THSD7B: variants seen among roughly 807,000 people sequenced by gnomAD.
THSD7B encodes thrombospondin type 1 domain containing 7B, also known as thrombospondin type-1 domain-containing protein 7B.
Under a neutral mutation model 213.6 loss-of-function variants are expected in THSD7B, and 138 were observed. That is an observed-to-expected ratio of 0.65 (90% confidence interval 0.56 to 0.74). The LOEUF (loss-of-function observed/expected upper bound fraction) is 0.74. Ranked by LOEUF, THSD7B falls within the 30% of genes least tolerant of loss-of-function variation. The probability of loss-of-function intolerance (pLI) is 0.00; values close to 1 mark genes in which losing one functional copy is unlikely to be tolerated. For synonymous variants in THSD7B, 742 were observed against 687.0 expected (o/e 1.08, Z -1.25); for missense variants, 1,931 against 1,991.5 (o/e 0.97, Z 0.58).
At chr2:137,487,150 T>G (rs1425299695) in intron 15 of THSD7B, among the ~76,000 whole-genome samples, 2 of 148,958 alleles carry the variant, frequency 1.3e-5, no homozygotes, top group Non-Finnish European at 3.0e-5. Context: ...GGGTGGATCA[T>G]GAGGTCAGGA....
chr2:137,187,517 C>T (rs1050184001), intron 7 of THSD7B, among the ~76,000 whole-genome samples: 4 of 152,098 alleles, frequency 2.6e-5, no homozygotes, highest in East Asian at 1.9e-4. Flanking sequence ...TGAATAAATG[C>T]GTTAGATCAA....
At chr2:137,450,311 A>C (rs184335764) in intron 14 of THSD7B, among the ~76,000 whole-genome samples, 2 of 152,144 alleles carry the variant, frequency 1.3e-5, no homozygotes, top group East Asian at 3.9e-4. Flanking sequence ...GCAATATCTC[A>C]TTTTACAACT....
At chr2:137,187,971 T>C (rs1272083982) in intron 7 of THSD7B, among the ~76,000 whole-genome samples, 1 of 152,168 alleles carries the variant, frequency 6.6e-6, no homozygotes, top group Non-Finnish European at 1.5e-5. Context: ...TTGCTTTCCA[T>C]GGGAAATCCC....
chr2:137,237,582 G>T (rs1681795591), intron 9 of THSD7B, among the ~76,000 whole-genome samples: 1 of 152,200 alleles, frequency 6.6e-6, no homozygotes, highest in Non-Finnish European at 1.5e-5. Context: ...GTGCGTGTAT[G>T]TGCACACACA....
intron 14 of THSD7B, among the ~76,000 whole-genome samples, chr2:137,450,492 T>C (rs1687626956): frequency 6.6e-6 from 1 of 152,158 alleles, no homozygotes; most frequent in East Asian, 1.9e-4. Context: ...TTATAATCCC[T>C]CTTCTAGACA....
At chr2:137,257,475 C>T (rs1682337177) in intron 10 of THSD7B, among the ~76,000 whole-genome samples, 1 of 152,188 alleles carries the variant, frequency 6.6e-6, no homozygotes, top group Non-Finnish European at 1.5e-5. Flanking sequence ...TCCAGGGTAT[C>T]TCACAAAGTC....
chr2:136,859,026 C>T (rs1421283965), intron 1 of THSD7B, among the ~76,000 whole-genome samples: 3 of 152,152 alleles, frequency 2.0e-5, no homozygotes, highest in Admixed American at 6.5e-5. Flanking sequence ...TTCTTTCCCA[C>T]GTGTGGGAAG....
chr2:136,774,173 C>T (rs2250458), intron 1 of THSD7B, among the ~76,000 whole-genome samples: 26,724 of 151,936 alleles, frequency 0.18, 2,839 homozygotes, highest in East Asian at 0.32. Context: ...GCCTAATACA[C>T]ATGAAATGGG....
At chr2:137,298,795 T>C (rs999468770) in intron 12 of THSD7B, among the ~76,000 whole-genome samples, 1 of 152,192 alleles carries the variant, frequency 6.6e-6, no homozygotes, top group African/African-American at 2.4e-5. Context: ...AATTGAGGTT[T>C]GGAAACCTCT....
At chr2:137,102,998 C>A (rs1181308679) in intron 4 of THSD7B, among the ~76,000 whole-genome samples, 1 of 152,134 alleles carries the variant, frequency 6.6e-6, no homozygotes, top group Non-Finnish European at 1.5e-5. Context: ...CCCAACCTAA[C>A]AAGACAGACC....
chr2:137,152,940 C>A (rs553167194), intron 5 of THSD7B, among the ~76,000 whole-genome samples: 56 of 152,298 alleles, frequency 3.7e-4, no homozygotes, highest in Middle Eastern at 3.4e-3. Flanking sequence ...TCTGTGTCAT[C>A]AATAATGGTG....
chr2:137,382,551 A>G (rs186303201), intron 12 of THSD7B, among the ~76,000 whole-genome samples: 1 of 152,246 alleles, frequency 6.6e-6, no homozygotes, highest in Non-Finnish European at 1.5e-5. Flanking sequence ...GCTAGCAGCT[A>G]TATATGCCAC....
intron 5 of THSD7B, among the ~76,000 whole-genome samples, chr2:137,153,042 A>G (rs141161800): frequency 1.8e-4 from 27 of 152,294 alleles, no homozygotes; most frequent in African/African-American, 6.5e-4. Flanking sequence ...CTGAGCCAAA[A>G]GTCTGAGAAA....
intron 2 of THSD7B, among the ~76,000 whole-genome samples, chr2:137,018,855 TA>T (rs1395377936): frequency 1.3e-5 from 2 of 152,192 alleles, no homozygotes; most frequent in Admixed American, 6.5e-5. Flanking sequence ...GTTTGGGAAT[TA>T]TTGGCAGTTT....
intron 3 of THSD7B, among the ~76,000 whole-genome samples, chr2:137,071,453 A>G (rs918170213): frequency 6.6e-6 from 1 of 152,264 alleles, no homozygotes; most frequent in African/African-American, 2.4e-5. Flanking sequence ...GATTCTGGAT[A>G]TTAGCCCTTT....
chr2:137,150,057 CATGG>C (rs1462465851), intron 5 of THSD7B, among the ~76,000 whole-genome samples: 2 of 151,950 alleles, frequency 1.3e-5, no homozygotes, highest in African/African-American at 4.8e-5. Flanking sequence ...GCCTGACCAA[CATGG>C]AGAAAACACT....
At chr2:136,806,253 C>T (rs374603334) in intron 1 of THSD7B, among the ~76,000 whole-genome samples, 8 of 152,276 alleles carry the variant, frequency 5.3e-5, no homozygotes, top group East Asian at 3.9e-4. Context: ...TTCAGAAAGG[C>T]GTATTGGACA....
intron 17 of THSD7B, among the ~76,000 whole-genome samples, chr2:137,585,250 C>T (rs1029858061): frequency 6.6e-6 from 1 of 151,926 alleles, no homozygotes; most frequent in South Asian, 2.1e-4. Context: ...ATTAGTCTTG[C>T]TAGCACTCTA....
chr2:137,459,669 G>GA lies in THSD7B; in HGVS notation c.3138+8657dup, dbSNP rs879332868. Among the ~76,000 whole-genome samples, 920 of 141,548 alleles carry GA rather than the reference G, an allele frequency of 6.5e-3. 10 individuals are homozygous for GA. The highest frequency in any genetic ancestry group is 0.021 in the African/African-American group (829 of 38,862). The allele number at this position is 141,548 out of a possible 152,430, so 92.9% of individuals were successfully genotyped here. On this transcript the variant is annotated intron_variant, in intron 15 of 27. Transcript: ENST00000409968. ...GACAGAGTGAGACTCTGTCTTTAAA[G>GA]AAAAAAAAAAAGATTCAAGATAAAA...
Sources: allele counts gnomAD v4.1 joint callset (sites outside exome capture counted in the v4.1 genomes callset), GRCh38; gene constraint gnomAD v4.1.1; transcripts MANE v1.5; gene names NCBI Gene and HGNC (gene_info 2026-07-23, HGNC 2026-07-21).